The following THADA variants were observed in gnomAD, a reference collection of about 807,000 sequenced individuals.
THADA encodes the protein tRNA (32-2'-O)-methyltransferase regulator THADA.
THADA carries 213 observed loss-of-function variants against 219.8 expected under a neutral mutation model. The observed-to-expected ratio is 0.97, with a 90% CI of 0.87 to 1.09. THADA has a LOEUF of 1.09. THADA is among the 50% of genes least tolerant of loss of function. The probability of loss-of-function intolerance (pLI) is 0.00; values close to 1 mark genes in which losing one functional copy is unlikely to be tolerated. For missense variants in THADA, 2,956 were observed against 2,311.3 expected (o/e 1.28, Z -5.72); for synonymous variants, 1,018 against 828.9 (o/e 1.23, Z -3.92).
chr2:43,527,252 T>C (rs1340878127), intron 22 of THADA, among the ~76,000 whole-genome samples: 2 of 152,216 alleles, frequency 1.3e-5, no homozygotes, highest in Non-Finnish European at 2.9e-5. Context: ...TAGAGAACAC[T>C]TGCCATGAAC....
chr2:43,370,285 A>G (rs567295206), intron 29 of THADA: 8 of 152,350 alleles, frequency 5.3e-5, no homozygotes, highest in African/African-American at 1.4e-4. Context: ...CTCATAATAG[A>G]GTCAACTTCC....
intron 20 of THADA, among the ~76,000 whole-genome samples, chr2:43,548,501 T>C (rs1044223055): frequency 6.6e-6 from 1 of 152,176 alleles, no homozygotes; most frequent in Non-Finnish European, 1.5e-5. Context: ...CAGGCCTCCT[T>C]GAGCTGTGGT....
chr2:43,478,476 G>C (rs1422122488), intron 26 of THADA, among the ~76,000 whole-genome samples: 2 of 152,128 alleles, frequency 1.3e-5, no homozygotes, highest in Non-Finnish European at 2.9e-5. Context: ...CATACTCCTG[G>C]AAGCAATCCT....
At chr2:43,377,179 T>C (rs1243491603) in intron 29 of THADA, among the ~76,000 whole-genome samples, 1 of 152,198 alleles carries the variant, frequency 6.6e-6, no homozygotes, top group Non-Finnish European at 1.5e-5. Flanking sequence ...CAAATGCCTT[T>C]GGCAAAATTA....
intron 36 of THADA, among the ~76,000 whole-genome samples, chr2:43,236,968 A>C (rs1010918268): frequency 1.2e-4 from 18 of 148,086 alleles, no homozygotes; most frequent in Non-Finnish European, 2.7e-4. Context: ...GCTACTCGGG[A>C]GGCTGAGGCA....
chr2:43,349,760 A>G (rs1394439694), intron 29 of THADA, among the ~76,000 whole-genome samples: 2 of 152,222 alleles, frequency 1.3e-5, no homozygotes, highest in Non-Finnish European at 2.9e-5. Flanking sequence ...CGTAATCATT[A>G]AAAACCTCAA....
intron 15 of THADA, chr2:43,565,363 C>T (rs1047930396): frequency 6.7e-6 from 1 of 148,900 alleles, no homozygotes. Flanking sequence ...TGCTTGAACC[C>T]AGGAGGCAGA....
Position 43,310,233 on chromosome 2 carries a change from C to CG in THADA, c.4438+10212_4438+10213insC, listed in dbSNP as rs1199509270. The stretch of plus-strand genomic sequence containing the variant: ...TCCCTCCCTCCCTTTCCCGCCCCCC[C>CG]CCCAAACAAGCTGATCCTAAAATTC... On this transcript the variant is annotated intron_variant, in intron 31 of 37. Coordinates refer to ENST00000405975, the MANE Select transcript of THADA (RefSeq NM_022065.5). Among the ~76,000 whole-genome samples the CG allele has an allele frequency of 2.4e-5, 3 of 127,224 alleles. 1 individual carries two copies. Among genetic ancestry groups the CG allele is most frequent in the Non-Finnish European group, 1.6e-5 (1 of 61,030 alleles). 83.5% of individuals were successfully genotyped at this position (127,224 alleles called of 152,430 possible). A position where few individuals can be genotyped will look rare whatever the true frequency, so the allele number is the denominator to read the frequency against.
At chr2:43,484,953 AC>A (rs1553460164) in intron 26 of THADA, among the ~76,000 whole-genome samples, 2,253 of 140,540 alleles carry the variant, frequency 0.016, 18 homozygotes, top group Non-Finnish European at 0.023. Context: ...AAAAAAAAAA[AC>A]AAAAAAAACA....
chr2:43,274,343 G>A (rs191165823), intron 36 of THADA, among the ~76,000 whole-genome samples: 89 of 152,348 alleles, frequency 5.8e-4, no homozygotes, highest in Admixed American at 4.3e-3. Context: ...GGTTCCAGCA[G>A]AGAGGGTCTG....
At chr2:43,255,393 G>C (rs976294776) in intron 36 of THADA, among the ~76,000 whole-genome samples, 1 of 152,232 alleles carries the variant, frequency 6.6e-6, no homozygotes, top group African/African-American at 2.4e-5. Context: ...AGGGACTGGA[G>C]CTGCTGAGGA....
At chr2:43,374,662 G>T (rs373416800) in intron 29 of THADA, among the ~76,000 whole-genome samples, 1 of 151,862 alleles carries the variant, frequency 6.6e-6, no homozygotes, top group African/African-American at 2.4e-5. Context: ...TGACATATAA[G>T]GATACAAACA....
At chr2:43,355,636 T>G (rs1668795504) in intron 29 of THADA, among the ~76,000 whole-genome samples, 1 of 152,152 alleles carries the variant, frequency 6.6e-6, no homozygotes, top group South Asian at 2.1e-4. Context: ...TTAGGTCTTA[T>G]GTTTACATCT....
intron 22 of THADA, 94 bp downstream of exon 22, chr2:43,527,785 T>C (rs1558914542): frequency 2.3e-6 from 2 of 872,970 alleles, no homozygotes; most frequent in East Asian, 5.1e-5. Context: ...TCTTATTCTT[T>C]TAAACTTCAA....
Position 43,347,250 on chromosome 2 carries a change from C to G in THADA, c.4228-3013G>C, listed in dbSNP as rs72790906. Among the ~76,000 whole-genome samples, 1,469 of 152,280 alleles carry G rather than the reference C, an allele frequency of 9.6e-3. 10 individuals carry two copies. The highest frequency in any genetic ancestry group is 0.02 in the Middle Eastern group (6 of 294). On this transcript the variant is annotated intron_variant, in intron 29 of 37. Coordinates refer to ENST00000405975, the MANE Select transcript of THADA (RefSeq NM_022065.5). ...CATGGTAAATGGCGTATAATAATAT[C>G]TAACTTGTAGGACTGTAGAGAGATT... is the stretch of plus-strand genomic sequence containing the variant.
At chr2:43,527,258 T>C (rs1386482111) in intron 22 of THADA, among the ~76,000 whole-genome samples, 2 of 152,222 alleles carry the variant, frequency 1.3e-5, no homozygotes, top group African/African-American at 4.8e-5. Context: ...ACACTTGCCA[T>C]GAACACTTAG....
At chr2:43,310,233 C>CCG (rs1553382844) in intron 31 of THADA, among the ~76,000 whole-genome samples, 2 of 127,088 alleles carry the variant, frequency 1.6e-5, no homozygotes, top group South Asian at 6.3e-4. Context: ...CCCGCCCCCC[C>CCG]CCCAAACAAG....
At chr2:43,272,544 T>C (rs1002817709) in intron 36 of THADA, among the ~76,000 whole-genome samples, 1 of 151,554 alleles carries the variant, frequency 6.6e-6, no homozygotes, top group African/African-American at 2.4e-5. Context: ...CATACTTAAA[T>C]AGTAAGAAAA....
At chr2:43,571,357 TCTC>T (rs1403847871) in intron 13 of THADA, among the ~76,000 whole-genome samples, 4 of 151,484 alleles carry the variant, frequency 2.6e-5, no homozygotes, top group Non-Finnish European at 1.5e-5. Flanking sequence ...TTCAAGCAAT[TCTC>T]CTGCTTCAGC....
Sources: gnomAD v4.1 joint callset for allele counts (sites outside exome capture counted in the v4.1 genomes callset) on GRCh38, gnomAD v4.1.1 for gene constraint, MANE v1.5 for transcripts, NCBI Gene and HGNC (gene_info 2026-07-23, HGNC 2026-07-21) for gene names.